Variants in ARNT2 observed in about 807,000 individuals in gnomAD.
ARNT2 encodes ARNT protein 2.
In ARNT2, 36 loss-of-function variants were observed where a neutral mutation model predicts 91.7. That is an observed-to-expected ratio of 0.39 (90% CI 0.30 to 0.52). The LOEUF (loss-of-function observed/expected upper bound fraction) is 0.52. ARNT2 is among the 20% of genes least tolerant of loss of function. ARNT2 has a pLI of 0.72. For missense variants in ARNT2, 775 were observed against 939.3 expected (o/e 0.83, Z 2.29); for synonymous variants, 365 against 347.1 (o/e 1.05, Z -0.57).
At chr15:80,556,628 A>T (rs1898195163) in intron 11 of ARNT2, 1 of 152,512 alleles carries the variant, frequency 6.6e-6, no homozygotes, top group Admixed American at 6.5e-5. Context: ...TAACAGTGTC[A>T]TGCACATCGT....
In ARNT2 at chr15:80,596,463, A is replaced by G. The variant is rs1483525111; in HGVS notation, c.*2765A>G. 1 of 152,254 alleles carries G rather than the reference A, an allele frequency of 6.6e-6. No homozygotes were observed. Among genetic ancestry groups the G allele is most frequent in the Non-Finnish European group, 1.5e-5 (1 of 68,080 alleles). 9.4% of individuals were successfully genotyped at this position (152,254 alleles called of 1,614,324 possible). A position where few individuals can be genotyped will look rare whatever the true frequency, so the allele number is the denominator to read the frequency against. ...GCACATGCCCCAGGGGTTTTCACCA[A>G]GGATTTTCAAGACAAACTGGAGTAA... On this transcript the variant is annotated 3_prime_UTR_variant, in exon 19 of 19. Transcript: ENST00000303329.
intron 5 of ARNT2, among the ~76,000 whole-genome samples, chr15:80,505,997 C>A (rs558997878): frequency 7.1e-6 from 1 of 140,062 alleles, no homozygotes; most frequent in Admixed American, 7.7e-5. Context: ...ACCGCAGTGG[C>A]GCAATCTCGG....
chr15:80,551,115 T>G, intron 8 of ARNT2, 84 bp from the exon 9 acceptor site: 1 of 1,368,270 alleles, frequency 7.3e-7, no homozygotes. Context: ...TATTTTCGAT[T>G]GCTTAAATAA....
At chr15:80,439,975 A>G (rs1478490358) in intron 1 of ARNT2, among the ~76,000 whole-genome samples, 1 of 152,152 alleles carries the variant, frequency 6.6e-6, no homozygotes, top group Non-Finnish European at 1.5e-5. Context: ...GTACTCTTCC[A>G]CCAGCAACCC....
In ARNT2 at chr15:80,537,756, G is replaced by A. The variant is rs913293159; in HGVS notation, c.878-13443G>A. Among the ~76,000 whole-genome samples the A allele has an allele frequency of 3.3e-5, 5 of 152,326 alleles. No individual in the cohort carries two copies. The East Asian group carries it at 5.8e-4, about 18-fold the overall frequency. On this transcript the variant is annotated intron_variant, in intron 8 of 18. Coordinates refer to ENST00000303329, the MANE Select transcript of ARNT2 (RefSeq NM_014862.4). The stretch of plus-strand genomic sequence containing the variant: ...GTACAGTTACTGGTGGAAGGTACCC[G>A]TGTTACCACTGACATCCCTGGCAGG...
At position 80,597,355 on chromosome 15, in the gene ARNT2, GAA is replaced by G; in HGVS notation, c.*3658_*3659del. ...GCTCTAGGAATAACAAGTCAGAATA[GAA>G]GTGTCCTTTATATTACCAGAAAATA... is the stretch of plus-strand genomic sequence containing the variant. On this transcript the variant is annotated 3_prime_UTR_variant, in exon 19 of 19. Coordinates refer to ENST00000303329, the MANE Select transcript of ARNT2 (RefSeq NM_014862.4). 1.9e-6 allele frequency: 1 copy of G among 515,110 alleles called. No individual in the cohort carries two copies. The highest frequency in any genetic ancestry group is 5.5e-5 in the East Asian group (1 of 18,278). 31.9% of individuals were successfully genotyped at this position (515,110 alleles called of 1,614,324 possible).
intron 1 of ARNT2, among the ~76,000 whole-genome samples, chr15:80,431,622 C>T (rs1331783512): frequency 6.6e-6 from 1 of 152,208 alleles, no homozygotes; most frequent in Admixed American, 6.5e-5. Flanking sequence ...CAGACAGGCC[C>T]ACCTTCCTCT....
chr15:80,436,066 T>TC (rs1394219261), intron 1 of ARNT2: 1 of 152,092 alleles, frequency 6.6e-6, no homozygotes, highest in Non-Finnish European at 1.5e-5. Flanking sequence ...TATTCAGCTT[T>TC]CCCCCACCAC....
chr15:80,471,640 T>C (rs111875217), intron 4 of ARNT2, among the ~76,000 whole-genome samples: 86 of 152,268 alleles, frequency 5.6e-4, no homozygotes, highest in African/African-American at 1.9e-3. Flanking sequence ...GAGTCATAGT[T>C]TTCTGTGAAA....
At chr15:80,474,379 C>A (rs762997277) in intron 4 of ARNT2, among the ~76,000 whole-genome samples, 5 of 152,132 alleles carry the variant, frequency 3.3e-5, no homozygotes, top group Non-Finnish European at 5.9e-5. Flanking sequence ...CCCAGAGTTA[C>A]TCTGAGAGTC....
rs1221315068 is a variant in ARNT2, at chr15:80,593,739, T to C, written c.*41T>C. 1.3e-6 allele frequency: 2 copies of C among 1,531,818 alleles called. No individual in the cohort carries two copies. Among genetic ancestry groups the C allele is most frequent in the Non-Finnish European group, 1.8e-6 (2 of 1,122,054 alleles). The allele number at this position is 1,531,818 out of a possible 1,614,324, so 94.9% of individuals were successfully genotyped here. A position where few individuals can be genotyped will look rare whatever the true frequency, so the allele number is the denominator to read the frequency against. On this transcript the variant is annotated 3_prime_UTR_variant, in exon 19 of 19. Transcript: ENST00000303329. ...GGCTCCTGCTGTACAGTGCCACCCA[T>C]ACTGTGATGTCGATGCCCATGTGAA...
chr15:80,571,399 TGGAA>T (rs1284202533), intron 12 of ARNT2, among the ~76,000 whole-genome samples: 1 of 152,206 alleles, frequency 6.6e-6, no homozygotes, highest in Admixed American at 6.5e-5. Flanking sequence ...AGCCTACACT[TGGAA>T]TGAGAAAATC....
chr15:80,505,937 T>TTTTTTTG (rs1897268830), intron 5 of ARNT2, among the ~76,000 whole-genome samples: 1 of 137,020 alleles, frequency 7.3e-6, no homozygotes, highest in Non-Finnish European at 1.6e-5. Context: ...GTTTTTTTTT[T>TTTTTTTG]TTTTTTTTTT....
intron 11 of ARNT2, among the ~76,000 whole-genome samples, chr15:80,560,448 G>C (rs1417147177): frequency 7.2e-5 from 11 of 152,174 alleles, no homozygotes; most frequent in Admixed American, 5.2e-4. Flanking sequence ...GGACCCAGGA[G>C]GGTGCAGAAC....
At chr15:80,491,019 G>C (rs1897049469) in intron 5 of ARNT2, among the ~76,000 whole-genome samples, 1 of 152,172 alleles carries the variant, frequency 6.6e-6, no homozygotes, top group Non-Finnish European at 1.5e-5. Context: ...TGACTATAAA[G>C]CTGAAAATGG....
chr15:80,500,429 A>G (rs1897175551), intron 5 of ARNT2, among the ~76,000 whole-genome samples: 1 of 152,152 alleles, frequency 6.6e-6, no homozygotes, highest in Non-Finnish European at 1.5e-5. Flanking sequence ...TTGAACCAAG[A>G]TAAGATGTTT....
intron 8 of ARNT2, among the ~76,000 whole-genome samples, chr15:80,543,947 G>A (rs1897951690): frequency 6.6e-6 from 1 of 151,992 alleles, no homozygotes; most frequent in Admixed American, 6.6e-5. Flanking sequence ...CACCATGTTG[G>A]TCAGGCTGGT....
intron 8 of ARNT2, among the ~76,000 whole-genome samples, chr15:80,549,424 G>T (rs1404590876): frequency 2.0e-5 from 3 of 151,998 alleles, no homozygotes; most frequent in African/African-American, 7.2e-5. Context: ...CAAAAGACAG[G>T]GGACCATCTG....
At chr15:80,482,834 C>CAAATA (rs1896910219) in intron 5 of ARNT2, among the ~76,000 whole-genome samples, 1 of 152,112 alleles carries the variant, frequency 6.6e-6, no homozygotes, top group African/African-American at 2.4e-5. Flanking sequence ...CTCTGGAGGC[C>CAAATA]CAGAGATCTG....
Sources: gnomAD v4.1 joint callset for allele counts (sites outside exome capture counted in the v4.1 genomes callset) on GRCh38, gnomAD v4.1.1 for gene constraint, MANE v1.5 for transcripts, NCBI Gene and HGNC (gene_info 2026-07-23, HGNC 2026-07-21) for gene names.